The following ANKRD44 variants were observed in gnomAD, a reference collection of about 807,000 sequenced individuals.
The protein encoded by ANKRD44 is ankyrin repeat domain 44, also known as serine/threonine-protein phosphatase 6 regulatory ankyrin repeat subunit B.
A neutral mutation model predicts 116.0 loss-of-function variants in ANKRD44; 35 were observed. The observed-to-expected ratio is 0.30, with a 90% CI of 0.23 to 0.40. The LOEUF (loss-of-function observed/expected upper bound fraction) is 0.40, where lower values mean the gene tolerates loss of function less well. Ranked by LOEUF, ANKRD44 falls within the 10% of genes least tolerant of loss-of-function variation. ANKRD44 has a pLI of 1.00. For missense variants in ANKRD44, 1,014 were observed against 1,242.6 expected, an observed-to-expected ratio of 0.82 and a Z score of 2.77; for synonymous variants, 435 against 461.8, an observed-to-expected ratio of 0.94 and a Z score of 0.74.
intron 1 of ANKRD44, among the ~76,000 whole-genome samples, chr2:197,214,783 G>T (rs2081406798): frequency 6.6e-6 from 1 of 152,230 alleles, no homozygotes; most frequent in East Asian, 1.9e-4. Context: ...GCAAAGTCTT[G>T]AATTGGAAGG....
chr2:197,074,172 T>C (rs2077617341), intron 16 of ANKRD44, among the ~76,000 whole-genome samples: 1 of 152,184 alleles, frequency 6.6e-6, no homozygotes, highest in Non-Finnish European at 1.5e-5. Context: ...ATTTTATGTT[T>C]CTCTCCAACT....
At chr2:197,067,547 G>A (rs1192187922) in intron 16 of ANKRD44, among the ~76,000 whole-genome samples, 81 of 135,934 alleles carry the variant, frequency 6.0e-4, no homozygotes, top group African/African-American at 1.8e-3. Context: ...AAAAGTGGGC[G>A]AAGGACATGA....
chr2:197,130,602 T>C (rs1559088254), intron 4 of ANKRD44, among the ~76,000 whole-genome samples: 1 of 152,248 alleles, frequency 6.6e-6, no homozygotes, highest in Non-Finnish European at 1.5e-5. Flanking sequence ...TGGGTACCGC[T>C]TGTCTACATT....
intron 2 of ANKRD44, among the ~76,000 whole-genome samples, chr2:197,150,303 C>T (rs2079610682): frequency 6.6e-6 from 1 of 152,176 alleles, no homozygotes; most frequent in East Asian, 1.9e-4. Flanking sequence ...AATCCCAGCA[C>T]TTTGGGAGGC....
chr2:197,172,189 G>C (rs892839085), intron 2 of ANKRD44, among the ~76,000 whole-genome samples: 1 of 151,826 alleles, frequency 6.6e-6, no homozygotes, highest in African/African-American at 2.4e-5. Context: ...TTAGTAGAGA[G>C]GGGGGCTTCA....
intron 2 of ANKRD44, among the ~76,000 whole-genome samples, chr2:197,154,793 C>CCT (rs976068097): frequency 2.8e-4 from 42 of 152,228 alleles, no homozygotes; most frequent in African/African-American, 9.4e-4. Context: ...TTGTGTGGAG[C>CCT]CTCCCATGCC....
intron 8 of ANKRD44, among the ~76,000 whole-genome samples, chr2:197,117,967 T>G (rs2078752849): frequency 6.6e-6 from 1 of 152,036 alleles, no homozygotes. Context: ...ATCCCAGCAC[T>G]TTGGGAGGCT....
chr2:196,995,070 T>C (rs1012330055), intron 26 of ANKRD44: 1 of 198,304 alleles, frequency 5.0e-6, no homozygotes, highest in African/African-American at 2.3e-5. Flanking sequence ...TCCCCAAATA[T>C]GTCAGTCCAT....
intron 1 of ANKRD44, among the ~76,000 whole-genome samples, chr2:197,225,314 TTA>T (rs2081678329): frequency 6.6e-6 from 1 of 152,220 alleles, no homozygotes; most frequent in African/African-American, 2.4e-5. Context: ...TAAATTAATC[TTA>T]TGTTTCTACA....
At chr2:197,309,614 T>C (rs1440917705) in intron 1 of ANKRD44, among the ~76,000 whole-genome samples, 1 of 152,180 alleles carries the variant, frequency 6.6e-6, no homozygotes, top group Non-Finnish European at 1.5e-5. Context: ...AAGTCAAGAT[T>C]GCCTCTCTGC....
chr2:197,269,407 G>T (rs567558806), intron 1 of ANKRD44, among the ~76,000 whole-genome samples: 1 of 152,286 alleles, frequency 6.6e-6, no homozygotes, highest in Admixed American at 6.5e-5. Flanking sequence ...TCACACCTCA[G>T]GAGCAAAGAT....
At chr2:196,974,162 A>G (rs898462573) in intron 21 of ANKRD44, among the ~76,000 whole-genome samples, 1 of 151,790 alleles carries the variant, frequency 6.6e-6, no homozygotes, top group Non-Finnish European at 1.5e-5. Flanking sequence ...GGCTCACTGC[A>G]GCCTCTATCT....
chr2:197,162,646 C>T (rs1259510835), intron 2 of ANKRD44, among the ~76,000 whole-genome samples: 1 of 152,234 alleles, frequency 6.6e-6, no homozygotes, highest in African/African-American at 2.4e-5. Flanking sequence ...TCACACTGAG[C>T]TCAAGTGTCC....
Position 197,162,582 on chromosome 2 carries a change from G to T in ANKRD44, c.112-15477C>A, listed in dbSNP as rs527780261. On this transcript the variant is annotated intron_variant, in intron 2 of 27. Coordinates refer to ENST00000282272, the MANE Select transcript of ANKRD44 (RefSeq NM_001195144.2). ...CATAAGGACAATGTTTTATTTTAAA[G>T]CCACAAAACAGGGAGCCTCTAATTT... Among the ~76,000 whole-genome samples, 4 of 152,252 alleles carry T rather than the reference G, an allele frequency of 2.6e-5. 1 individual carries two copies. The highest frequency in any genetic ancestry group is 9.6e-5 in the African/African-American group (4 of 41,528).
chr2:197,054,869 C>T (rs1310385155), intron 16 of ANKRD44, among the ~76,000 whole-genome samples: 1 of 152,236 alleles, frequency 6.6e-6, no homozygotes, highest in African/African-American at 2.4e-5. Flanking sequence ...GAGATATGGT[C>T]CCAGGTGGCA....
chr2:197,282,079 C>T (rs1049696327), intron 1 of ANKRD44, among the ~76,000 whole-genome samples: 23 of 152,048 alleles, frequency 1.5e-4, no homozygotes, highest in Non-Finnish European at 3.2e-4. Flanking sequence ...AGGTGAAACC[C>T]CGTCTCTACT....
intron 1 of ANKRD44, among the ~76,000 whole-genome samples, chr2:197,277,646 C>T (rs2083130030): frequency 6.6e-6 from 1 of 152,124 alleles, no homozygotes; most frequent in Non-Finnish European, 1.5e-5. Context: ...CCTGCAGTCC[C>T]AGATGATAGA....
chr2:197,262,073 A>G (rs2712873), intron 1 of ANKRD44, among the ~76,000 whole-genome samples: 125,623 of 152,184 alleles, frequency 0.83, 51,984 homozygotes, highest in South Asian at 0.9. Flanking sequence ...CTTACTTCCT[A>G]CCAGCCAGGA....
At chr2:197,031,049 C>T (rs1402242939) in intron 16 of ANKRD44, among the ~76,000 whole-genome samples, 2 of 152,158 alleles carry the variant, frequency 1.3e-5, no homozygotes, top group Non-Finnish European at 2.9e-5. Context: ...GTACCCACAA[C>T]ACTGGAAAGC....
Sources: gnomAD v4.1 joint callset for allele counts (sites outside exome capture counted in the v4.1 genomes callset) on GRCh38, gnomAD v4.1.1 for gene constraint, MANE v1.5 for transcripts, NCBI Gene and HGNC (gene_info 2026-07-23, HGNC 2026-07-21) for gene names.